APOE: variants seen among roughly 807,000 people sequenced by gnomAD.
APOE encodes the protein apolipoprotein E3.
A neutral mutation model predicts 13.1 loss-of-function variants in APOE; 10 were observed. The observed-to-expected ratio is 0.76, with a 90% confidence interval of 0.47 to 1.29. APOE has a LOEUF of 1.29. Among genes scored for constraint, APOE ranks in the 50% most tolerant of loss-of-function variants. APOE has a pLI of 0.00. For synonymous variants in APOE, 211 were observed against 207.1 expected (o/e 1.02, Z -0.16); for missense variants, 471 against 459.6 (o/e 1.02, Z -0.23).
chr19:44,906,610 A>T lies in APOE; in HGVS notation c.-15A>T. ...AGTTTCTCCTTCCCCAGACTGGCCA[A>T]TCACAGGCAGGAAGATGAAGGTTCT... On this transcript the variant is annotated 5_prime_UTR_variant, in exon 2 of 4. Transcript: ENST00000252486. 6.2e-7 allele frequency: 1 copy of T among 1,614,116 alleles called. No individual in the cohort carries two copies. Among genetic ancestry groups the T allele is most frequent in the Non-Finnish European group, 8.5e-7 (1 of 1,180,008 alleles).
At chr19:44,906,912 G>A (rs1214364690) in intron 2 of APOE, 1 of 555,786 alleles carries the variant, frequency 1.8e-6, no homozygotes, top group Admixed American at 3.1e-5. Context: ...ATGAAGTCTC[G>A]CTCTGTCGCC....
intron 3 of APOE, 42 bp from the exon 4 acceptor site, chr19:44,908,491 C>G (rs568735371): frequency 1.2e-6 from 2 of 1,604,720 alleles, no homozygotes; most frequent in African/African-American, 2.7e-5. Flanking sequence ...CCCTTCTCCC[C>G]GCCTCCCACT....
At chr19:44,906,858 T>C in intron 2 of APOE, 191 bp downstream of exon 2, 1 of 612,450 alleles carries the variant, frequency 1.6e-6, no homozygotes, top group African/African-American at 1.8e-5. Flanking sequence ...AGTTAGAAGT[T>C]GTTTTGTTGT....
At position 44,907,993 on chromosome 19, in the gene APOE, G is replaced by A. The variant is rs2122133537; in HGVS notation, c.236+41G>A. 4 of 1,589,100 alleles carry A rather than the reference G, an allele frequency of 2.5e-6. No homozygotes were observed. The highest frequency in any genetic ancestry group is 3.4e-6 in the Non-Finnish European group (4 of 1,164,306). On this transcript the variant is annotated intron_variant, in intron 3 of 3. Coordinates refer to ENST00000252486, the MANE Select transcript of APOE (RefSeq NM_000041.4). This position sits in a 1 kb window ranked among gnomAD's most constrained non-coding sequence, Gnocchi z 4.1. Reference sequence around the variant, plus strand: ...CTGGCCCTTGACCCTCCTGGTGGGCGGCTATACCTCCCCAGGTCCAGGTTT... The same window carrying A: ...CTGGCCCTTGACCCTCCTGGTGGGCAGCTATACCTCCCCAGGTCCAGGTTT...
chr19:44,908,580 A>T lies in APOE; in HGVS notation c.284A>T (p.Glu95Val). The change falls in exon 4 of 4, where the codon GAA becomes GTA. Residue 95 changes from glutamate to valine, a missense_variant. Coordinates refer to ENST00000252486, the MANE Select transcript of APOE (RefSeq NM_000041.4). ...AAGGAGTTGAAGGCCTACAAATCGG[A>T]ACTGGAGGAACAACTGACCCCGGTG... ...TMKELKAYKS[E>V]LEEQLTPVAE... 6.2e-7 allele frequency: 1 copy of T among 1,613,604 alleles called. No homozygotes were observed. Among genetic ancestry groups the T allele is most frequent in the Non-Finnish European group, 8.5e-7 (1 of 1,179,674 alleles).
rs1969822718 is a variant in APOE, at chr19:44,907,071, C to T, written c.43+404C>T. 8.4e-6 allele frequency: 2 copies of T among 238,530 alleles called. No individual in the cohort carries two copies. Among genetic ancestry groups the T allele is most frequent in the South Asian group, 5.3e-5 (1 of 18,894 alleles). 14.8% of individuals were successfully genotyped at this position (238,530 alleles called of 1,614,324 possible). A position where few individuals can be genotyped will look rare whatever the true frequency, so the allele number is the denominator to read the frequency against. ...AACTTTTTTGTATTTTCAGTAGAGA[C>T]GGGGTTTCACCATGTTGGCCAGGCT... is the stretch of plus-strand genomic sequence containing the variant. On this transcript the variant is annotated intron_variant, in intron 2 of 3. Transcript: ENST00000252486. This position sits in a 1 kb window ranked among gnomAD's most constrained non-coding sequence, Gnocchi z 4.1.
Position 44,909,181 on chromosome 19 carries a change from C to G in APOE, c.885C>G (p.Ala295=), listed in dbSNP as rs1215661702. 1 of 1,599,284 alleles carries G rather than the reference C, an allele frequency of 6.3e-7. No homozygotes were observed. The highest frequency in any genetic ancestry group is 8.5e-7 in the Non-Finnish European group (1 of 1,178,870). ...PLVEDMQRQW[A]GLVEKVQAAV... is the part of the protein sequence containing the mutation. ...TGGAAGACATGCAGCGCCAGTGGGCCGGGCTGGTGGAGAAGGTGCAGGCTG... is the reference window on the plus strand; with the variant it reads ...TGGAAGACATGCAGCGCCAGTGGGCGGGGCTGGTGGAGAAGGTGCAGGCTG... The change falls in exon 4 of 4, where the codon GCC becomes GCG. Residue 295 remains alanine, a synonymous_variant. Coordinates refer to ENST00000252486, the MANE Select transcript of APOE (RefSeq NM_000041.4).
At chr19:44,908,061 G>T in intron 3 of APOE, 109 bp downstream of exon 3, 1 of 1,013,128 alleles carries the variant, frequency 9.9e-7, no homozygotes, top group South Asian at 1.4e-5. Flanking sequence ...CTGGGTCTCT[G>T]CTGGTTCTAG....
Position 44,906,649 on chromosome 19 carries a change from C to T in APOE, c.25C>T (p.Leu9=). 6.2e-7 allele frequency: 1 copy of T among 1,614,082 alleles called. No homozygotes were observed. Among genetic ancestry groups the T allele is most frequent in the Non-Finnish European group, 8.5e-7 (1 of 1,180,020 alleles). Residue 9 remains leucine, a synonymous_variant, in exon 2 of 4, where the codon CTG becomes TTG. Transcript: ENST00000252486. MKVLWAAL[L]VTFLAGCQAK... ...GATGAAGGTTCTGTGGGCTGCGTTG[C>T]TGGTCACATTCCTGGCAGGTATGGG...
chr19:44,906,333 AG>A, intron 1 of APOE: 1 of 359,500 alleles, frequency 2.8e-6, no homozygotes. Flanking sequence ...GGCGGTGGGG[AG>A]GGGGTGGGGG....
In APOE at chr19:44,905,822, A is replaced by G; in HGVS notation, c.-43A>G. On this transcript the variant is annotated 5_prime_UTR_variant, in exon 1 of 4. Coordinates refer to ENST00000252486, the MANE Select transcript of APOE (RefSeq NM_000041.4). The stretch of plus-strand genomic sequence containing the variant: ...TACTCAGCCCCAGCGGAGGTGAAGG[A>G]CGTCCTTCCCCAGGAGCCGGTGAGA... The G allele has an allele frequency of 7.7e-7, 1 of 1,294,528 alleles. No homozygotes were observed. The highest frequency in any genetic ancestry group is 1.0e-6 in the Non-Finnish European group (1 of 983,478). 80.2% of individuals were successfully genotyped at this position (1,294,528 alleles called of 1,614,324 possible).
In APOE at chr19:44,909,305, C is replaced by A. The variant is rs1969892764; in HGVS notation, c.*55C>A. The A allele has an allele frequency of 2.4e-5, 37 of 1,534,150 alleles. 1 individual carries two copies. The South Asian group carries it at 3.4e-4, about 14-fold the overall frequency. ...CGCCACCCCGTGCCTCCTGCCTCCG[C>A]GCAGCCTGCAGCGGGAGACCCTGTC... On this transcript the variant is annotated 3_prime_UTR_variant, in exon 4 of 4. Transcript: ENST00000252486.
At chr19:44,906,529 G>C (rs1322921543) in intron 1 of APOE, 73 bp from the exon 2 acceptor site, 7 of 1,549,058 alleles carry the variant, frequency 4.5e-6, no homozygotes, top group African/African-American at 1.4e-5. Context: ...CCTGGGGTGA[G>C]GCCGGGTTGG....
intron 1 of APOE, 149 bp downstream of exon 1, chr19:44,905,990 A>G: frequency 8.3e-7 from 1 of 1,200,984 alleles, no homozygotes; most frequent in South Asian, 1.3e-5. Context: ...GGCAAGCAGC[A>G]GGGGACTGGA....
intron 3 of APOE, 138 bp from the exon 4 acceptor site, chr19:44,908,395 T>C (rs1245554595): frequency 4.7e-6 from 4 of 858,998 alleles, no homozygotes; most frequent in South Asian, 1.5e-5. Context: ...CATCTGTCTC[T>C]GTCTCCTTCT....
rs1310347177 is a variant in APOE at position 44,907,695 on chromosome 19, CT to C, written c.44-64del. 1.4e-6 allele frequency: 2 copies of C among 1,448,296 alleles called. No homozygotes were observed. The highest frequency in any genetic ancestry group is 4.9e-5 in the East Asian group (2 of 41,094). 89.7% of individuals were successfully genotyped at this position (1,448,296 alleles called of 1,614,324 possible). ...TTTGTGGAGCACCTTCTGTGTGCCC[CT>C]AGGTACTAGATGCCTGGACGGGGTC... On this transcript the variant is annotated intron_variant, in intron 2 of 3. Coordinates refer to ENST00000252486, the MANE Select transcript of APOE (RefSeq NM_000041.4). This position sits in a 1 kb window ranked among gnomAD's most constrained non-coding sequence, Gnocchi z 4.1.
At position 44,909,304 on chromosome 19, in the gene APOE, G is replaced by T. The variant is rs1033838326; in HGVS notation, c.*54G>T. ...ACGCCACCCCGTGCCTCCTGCCTCC[G>T]CGCAGCCTGCAGCGGGAGACCCTGT... is the stretch of plus-strand genomic sequence containing the variant. On this transcript the variant is annotated 3_prime_UTR_variant, in exon 4 of 4. Transcript: ENST00000252486. 6 of 1,534,532 alleles carry T rather than the reference G, an allele frequency of 3.9e-6. No homozygotes were observed. The highest frequency in any genetic ancestry group is 2.3e-4 in the Middle Eastern group (1 of 4,376).
In APOE at chr19:44,908,967, G is replaced by C. The variant is rs1425703838; in HGVS notation, c.671G>C (p.Arg224Pro). 1 of 1,529,136 alleles carries C rather than the reference G, an allele frequency of 6.5e-7. No individual in the cohort carries two copies. Among genetic ancestry groups the C allele is most frequent in the South Asian group, 1.2e-5 (1 of 83,668 alleles). 94.7% of individuals were successfully genotyped at this position (1,529,136 alleles called of 1,614,324 possible). Residue 224 changes from arginine (R) to proline (P), a missense_variant, in exon 4 of 4, where the codon CGG (arginine) becomes CCG (proline). Physicochemically the swap from Arg to Pro is moderately radical, Grantham distance 103. Coordinates refer to ENST00000252486, the MANE Select transcript of APOE (RefSeq NM_000041.4). ...GSLAGQPLQE[R>P]AQAWGERLRA... ...CTGGCCGGCCAGCCGCTACAGGAGCGGGCCCAGGCCTGGGGCGAGCGGCTG... is the reference window on the plus strand; with the variant it reads ...CTGGCCGGCCAGCCGCTACAGGAGCCGGCCCAGGCCTGGGGCGAGCGGCTG...
Position 44,906,225 on chromosome 19 carries a change from A to G in APOE, c.-23-377A>G, listed in dbSNP as rs150375400. 6.8e-4 allele frequency: 252 copies of G among 368,418 alleles called. 4 individuals carry two copies. In the East Asian group the frequency reaches 0.015, roughly 22 times the overall value. The allele number at this position is 368,418 out of a possible 1,614,324, so 22.8% of individuals were successfully genotyped here. On this transcript the variant is annotated intron_variant, in intron 1 of 3. Transcript: ENST00000252486. Reference sequence around the variant, plus strand: ...TTGGAGAACTTTAAAATGAGGACTGAATTAGCTCATAAATGGAACACGGCG... The same window carrying G: ...TTGGAGAACTTTAAAATGAGGACTGGATTAGCTCATAAATGGAACACGGCG...
Sources: gnomAD v4.1 joint callset for allele counts on GRCh38, gnomAD v4.1.1 for gene constraint, Gnocchi (gnomAD v3.1) non-coding constraint, MANE v1.5 for transcripts, NCBI Gene and HGNC (gene_info 2026-07-23, HGNC 2026-07-21) for gene names.